Variants in PARN observed in about 807,000 individuals in gnomAD.
The protein encoded by PARN is poly(A)-specific ribonuclease PARN.
A neutral mutation model predicts 102.8 loss-of-function variants in PARN; 71 were observed. That is an observed-to-expected ratio of 0.69 (90% CI 0.57 to 0.84). The LOEUF is 0.84. Ranked by LOEUF, PARN falls within the 40% of genes least tolerant of loss-of-function variation. PARN has a pLI of 0.00. For missense variants in PARN, 782 were observed against 760.9 expected, an observed-to-expected ratio of 1.03 and a Z score of -0.33; for synonymous variants, 261 against 252.9, an observed-to-expected ratio of 1.03 and a Z score of -0.30.
intron 18 of PARN, chr16:14,578,631 G>C (rs1233857612): frequency 6.6e-6 from 1 of 151,772 alleles, no homozygotes; most frequent in Non-Finnish European, 1.5e-5. Context: ...ACTCCAGCCT[G>C]GGCAACAAGA....
At chr16:14,619,169 C>T (rs1372390648) in intron 5 of PARN, among the ~76,000 whole-genome samples, 1 of 152,134 alleles carries the variant, frequency 6.6e-6, no homozygotes, top group Non-Finnish European at 1.5e-5. Context: ...TGCCACTGCA[C>T]TCCAGCCTGA....
chr16:14,599,878 C>A, intron 12 of PARN, 26 bp downstream of exon 12: 1 of 1,481,880 alleles, frequency 6.7e-7, no homozygotes, highest in Non-Finnish European at 9.4e-7. Flanking sequence ...GTTCTGCAAT[C>A]TTGCTAAAAA....
At chr16:14,618,282 T>A (rs1290096677) in intron 5 of PARN, among the ~76,000 whole-genome samples, 1 of 151,456 alleles carries the variant, frequency 6.6e-6, no homozygotes, top group African/African-American at 2.4e-5. Flanking sequence ...GGTCGGGAGA[T>A]CAAGACCATC....
intron 12 of PARN, among the ~76,000 whole-genome samples, chr16:14,594,712 T>G (rs906554541): frequency 7.2e-5 from 11 of 152,094 alleles, no homozygotes; most frequent in Admixed American, 2.0e-4. Flanking sequence ...AGACTCTGTC[T>G]TGGAAAAAAA....
chr16:14,580,516 A>T, intron 18 of PARN, among the ~76,000 whole-genome samples: 1 of 151,578 alleles, frequency 6.6e-6, no homozygotes, highest in Non-Finnish European at 1.5e-5. Context: ...CGAACTCCTG[A>T]CCTCAAGCAC....
intron 18 of PARN, among the ~76,000 whole-genome samples, chr16:14,562,705 C>T (rs1240580384): frequency 2.6e-5 from 4 of 151,598 alleles, no homozygotes; most frequent in African/African-American, 9.7e-5. Flanking sequence ...TAGCAAAAGT[C>T]TAACCTGTTT....
At chr16:14,629,701 G>A (rs1194874103) in intron 1 of PARN, 27 bp from the exon 2 acceptor site, 2 of 1,538,188 alleles carry the variant, frequency 1.3e-6, no homozygotes. Context: ...AAGAGGCTCA[G>A]AACCAGTGGC....
intron 18 of PARN, among the ~76,000 whole-genome samples, chr16:14,563,256 G>A (rs1347694938): frequency 6.6e-6 from 1 of 152,216 alleles, no homozygotes; most frequent in African/African-American, 2.4e-5. Context: ...TGATGGCAGA[G>A]GAGGAGCGTG....
At chr16:14,590,936 C>T (rs1042796841) in intron 13 of PARN, among the ~76,000 whole-genome samples, 12 of 152,242 alleles carry the variant, frequency 7.9e-5, no homozygotes, top group Non-Finnish European at 2.9e-5. Context: ...CAGGTGTCTT[C>T]CAATCTAGAA....
chr16:14,503,022 G>C lies in PARN; in HGVS notation c.1481-20195C>G, dbSNP rs1403352254. Among the ~76,000 whole-genome samples, 17 of 152,266 alleles carry C rather than the reference G, an allele frequency of 1.1e-4. 2 individuals carry two copies. The South Asian group carries it at 3.5e-3, about 32-fold the overall frequency. On this transcript the variant is annotated intron_variant, in intron 21 of 23. Coordinates refer to ENST00000437198, the MANE Select transcript of PARN (RefSeq NM_002582.4). ...AGCATTTTTTTAAATTGTGAGAATG[G>C]TTTAAATAAAACATAAGACGGTAGA...
chr16:14,504,520 T>C (rs865944079), intron 21 of PARN, among the ~76,000 whole-genome samples: 1 of 151,940 alleles, frequency 6.6e-6, no homozygotes. Context: ...GATTGCGCCA[T>C]TGCACTCCAG....
At chr16:14,593,428 T>G (rs760995721) in intron 12 of PARN, 50 bp from the exon 13 acceptor site, 1 of 783,818 alleles carries the variant, frequency 1.3e-6, no homozygotes, top group South Asian at 1.4e-5. Context: ...GAAATTATAC[T>G]GGGGTTTCAG....
intron 18 of PARN, among the ~76,000 whole-genome samples, chr16:14,556,334 A>T (rs1259347610): frequency 6.6e-6 from 1 of 150,794 alleles, no homozygotes; most frequent in African/African-American, 2.4e-5. Flanking sequence ...AATTTTTTGT[A>T]TTTTTAGTAC....
intron 21 of PARN, among the ~76,000 whole-genome samples, chr16:14,489,230 G>A (rs947494624): frequency 1.3e-5 from 2 of 152,130 alleles, no homozygotes; most frequent in Admixed American, 1.3e-4. Flanking sequence ...ATAGGTAGAT[G>A]TAATTTATTA....
At chr16:14,547,525 C>G (rs1967030058) in intron 21 of PARN, among the ~76,000 whole-genome samples, 2 of 151,738 alleles carry the variant, frequency 1.3e-5, no homozygotes. Flanking sequence ...AGCAACATGG[C>G]AAGGCCCCAT....
intron 22 of PARN, among the ~76,000 whole-genome samples, chr16:14,482,321 G>T (rs999319948): frequency 1.3e-5 from 2 of 152,024 alleles, no homozygotes; most frequent in African/African-American, 4.8e-5. Flanking sequence ...GAGCCCAGGA[G>T]GTCGAAGCTG....
At chr16:14,621,517 A>G (rs1972298475) in intron 5 of PARN, among the ~76,000 whole-genome samples, 1 of 152,198 alleles carries the variant, frequency 6.6e-6, no homozygotes, top group Non-Finnish European at 1.5e-5. Flanking sequence ...ATTTTTAAGA[A>G]AACCTCTGAA....
At chr16:14,582,769 A>C (rs1969611230) in intron 16 of PARN, among the ~76,000 whole-genome samples, 1 of 152,088 alleles carries the variant, frequency 6.6e-6, no homozygotes, top group African/African-American at 2.4e-5. Context: ...ACCTTGGGCA[A>C]GTCACTTCAT....
intron 22 of PARN, among the ~76,000 whole-genome samples, chr16:14,461,070 C>A (rs1253845318): frequency 6.6e-6 from 1 of 152,168 alleles, no homozygotes; most frequent in Non-Finnish European, 1.5e-5. Flanking sequence ...CATCCAAAAC[C>A]CATAACCTTA....
Sources: gnomAD v4.1 joint callset for allele counts (sites outside exome capture counted in the v4.1 genomes callset) on GRCh38, gnomAD v4.1.1 for gene constraint, MANE v1.5 for transcripts, NCBI Gene and HGNC (gene_info 2026-07-23, HGNC 2026-07-21) for gene names.